The following PHF24 variants were observed in gnomAD, a reference collection of about 807,000 sequenced individuals.
PHF24 encodes PHD finger protein 24.
PHF24 carries 25 observed loss-of-function variants against 42.6 expected under a neutral mutation model. The observed-to-expected ratio is 0.59, with a 90% CI of 0.43 to 0.82. The LOEUF (loss-of-function observed/expected upper bound fraction) is 0.82. Ranked by LOEUF, PHF24 falls within the 40% of genes least tolerant of loss-of-function variation. PHF24 has a pLI of 0.00. For synonymous variants in PHF24, 185 were observed against 204.8 expected, an observed-to-expected ratio of 0.90 and a Z score of 0.83; for missense variants, 470 against 538.1, an observed-to-expected ratio of 0.87 and a Z score of 1.25.
exon 8 of PHF24, chr9:34,982,538 G>A (rs1392817748): frequency 6.6e-6 from 1 of 152,228 alleles, no homozygotes; most frequent in Non-Finnish European, 1.5e-5. Context: ...AAGCGATTGC[G>A]ATGCTCTGTC....
At chr9:34,745,132 G>A in the PHF24 span, among the ~76,000 whole-genome samples, 1 of 152,214 alleles carries the variant, frequency 6.6e-6, no homozygotes, top group African/African-American at 2.4e-5. Context: ...GCAGCCAGCT[G>A]GCAGACTATC....
At chr9:34,709,547 C>A in the PHF24 span, 1 of 1,614,134 alleles carries the variant, frequency 6.2e-7, no homozygotes, top group Non-Finnish European at 8.5e-7. Flanking sequence ...TCTTGGAGGC[C>A]CCCCTGTCCT....
At chr9:34,937,115 C>T in the PHF24 span, among the ~76,000 whole-genome samples, 4 of 146,308 alleles carry the variant, frequency 2.7e-5, no homozygotes, top group East Asian at 4.2e-4. Context: ...AGTGAGGAGC[C>T]CCTCTGCCCG....
At chr9:34,882,703 G>C in the PHF24 span, among the ~76,000 whole-genome samples, 1 of 152,090 alleles carries the variant, frequency 6.6e-6, no homozygotes, top group Non-Finnish European at 1.5e-5. Context: ...ACTGCTCAAC[G>C]AAATAAAAGA....
the PHF24 span, chr9:34,834,456 G>A: frequency 6.4e-7 from 1 of 1,551,952 alleles, no homozygotes; most frequent in South Asian, 1.2e-5. Context: ...AGGAGCAACT[G>A]GATGGACTGC....
chr9:34,695,064 A>C, the PHF24 span, among the ~76,000 whole-genome samples: 1 of 152,146 alleles, frequency 6.6e-6, no homozygotes, highest in Non-Finnish European at 1.5e-5. Flanking sequence ...CAGCCTCTGG[A>C]TGGGAGCTAG....
the PHF24 span, chr9:34,835,845 A>G: frequency 7.5e-7 from 1 of 1,325,126 alleles, no homozygotes; most frequent in Non-Finnish European, 1.1e-6. Flanking sequence ...GGAGCTCTAT[A>G]CTCTGCTCAA....
At chr9:34,920,163 A>T in the PHF24 span, among the ~76,000 whole-genome samples, 2 of 152,166 alleles carry the variant, frequency 1.3e-5, no homozygotes, top group African/African-American at 4.8e-5. Flanking sequence ...ACTAATTTAC[A>T]TTCTCACCAA....
the PHF24 span, among the ~76,000 whole-genome samples, chr9:34,907,303 T>C: frequency 6.6e-6 from 1 of 152,192 alleles, no homozygotes; most frequent in Non-Finnish European, 1.5e-5. Context: ...AAAGGAATTG[T>C]TGACATTCCT....
At chr9:34,889,324 G>C in the PHF24 span, 1 of 398,694 alleles carries the variant, frequency 2.5e-6, no homozygotes, top group Non-Finnish European at 4.4e-6. Flanking sequence ...CAGGACCCAG[G>C]ATTGGCTGGA....
At chr9:34,720,124 C>G in the PHF24 span, among the ~76,000 whole-genome samples, 1 of 152,114 alleles carries the variant, frequency 6.6e-6, no homozygotes, top group African/African-American at 2.4e-5. Context: ...TCCGTAGGAA[C>G]CAGGGGCATC....
the PHF24 span, among the ~76,000 whole-genome samples, chr9:34,763,695 C>A: frequency 6.6e-6 from 1 of 152,032 alleles, no homozygotes. Context: ...TTATTTCCTT[C>A]TCCTGCCTAA....
At chr9:34,822,287 GA>G in the PHF24 span, among the ~76,000 whole-genome samples, 4 of 152,240 alleles carry the variant, frequency 2.6e-5, no homozygotes, top group African/African-American at 9.6e-5. Flanking sequence ...CCTTCTGCCT[GA>G]AGGACTTTCT....
At chr9:34,823,920 T>A in the PHF24 span, among the ~76,000 whole-genome samples, 1 of 152,198 alleles carries the variant, frequency 6.6e-6, no homozygotes, top group Non-Finnish European at 1.5e-5. Context: ...TATTCACATC[T>A]ACCTCAGCCA....
chr9:34,672,598 C>T, the PHF24 span, among the ~76,000 whole-genome samples: 1 of 152,068 alleles, frequency 6.6e-6, no homozygotes, highest in Non-Finnish European at 1.5e-5. Context: ...TGAGGTGTGG[C>T]ACAGGGCATC....
At chr9:34,705,318 A>T in the PHF24 span, among the ~76,000 whole-genome samples, 1 of 152,154 alleles carries the variant, frequency 6.6e-6, no homozygotes, top group Non-Finnish European at 1.5e-5. Context: ...TTATTTTTAA[A>T]ATTAATTTAT....
chr9:34,793,267 C>T, the PHF24 span, among the ~76,000 whole-genome samples: 6 of 152,154 alleles, frequency 3.9e-5, no homozygotes, highest in African/African-American at 1.4e-4. Context: ...GTTATCCTAT[C>T]CTTTGGAACT....
At chr9:34,778,232 G>A in the PHF24 span, among the ~76,000 whole-genome samples, 3 of 152,050 alleles carry the variant, frequency 2.0e-5, no homozygotes, top group African/African-American at 2.4e-5. Flanking sequence ...CATGAGACAC[G>A]TACAAAACAA....
At chr9:34,908,994 G>A in the PHF24 span, among the ~76,000 whole-genome samples, 1 of 151,398 alleles carries the variant, frequency 6.6e-6, no homozygotes, top group South Asian at 2.1e-4. Context: ...ATTACAGGGT[G>A]CCTGCCACCA....
Sources: allele counts gnomAD v4.1 joint callset (sites outside exome capture counted in the v4.1 genomes callset), GRCh38; gene constraint gnomAD v4.1.1; transcripts MANE v1.5; gene names NCBI Gene and HGNC (gene_info 2026-07-23, HGNC 2026-07-21).